FRAS1: variants seen among roughly 807,000 people sequenced by gnomAD.
FRAS1 encodes the protein Fraser extracellular matrix complex subunit 1.
In FRAS1, 290 loss-of-function variants were observed where a neutral mutation model predicts 435.2. The observed-to-expected ratio is 0.67, with a 90% CI of 0.61 to 0.73. The LOEUF is 0.73. Ranked by LOEUF, FRAS1 falls within the 30% of genes least tolerant of loss-of-function variation. The pLI is 0.00. For synonymous variants in FRAS1, 1,800 were observed against 1,851.0 expected, an observed-to-expected ratio of 0.97 and a Z score of 0.71; for missense variants, 4,860 against 5,001.5, an observed-to-expected ratio of 0.97 and a Z score of 0.85.
rs368026746 is a variant in FRAS1 at position 78,252,537 on chromosome 4, G to A, written c.455G>A (p.Cys152Tyr). 6.2e-7 allele frequency: 1 copy of A among 1,613,558 alleles called. No individual in the cohort carries two copies. Among genetic ancestry groups the A allele is most frequent in the Non-Finnish European group, 8.5e-7 (1 of 1,179,698 alleles). Residue 152 changes from cysteine (C) to tyrosine (Y), a missense_variant, in exon 5 of 74, where the codon TGT becomes TAT. Transcript: ENST00000512123. ...FIPEGSCCPV[C>Y]VGLGKPCSYE... ...CCTGAAGGAAGCTGCTGCCCAGTTT[G>A]TGTGGGCCTTGGGAGTGAGTATGAG...
At chr4:78,230,467 T>C (rs547951219) in intron 2 of FRAS1, among the ~76,000 whole-genome samples, 82 of 146,924 alleles carry the variant, frequency 5.6e-4, no homozygotes, top group African/African-American at 2.2e-3. Flanking sequence ...GAAAAGGTAT[T>C]GTTTATCTAA....
intron 62 of FRAS1, among the ~76,000 whole-genome samples, chr4:78,508,123 AC>A (rs1402707970): frequency 6.6e-6 from 1 of 152,196 alleles, no homozygotes; most frequent in Non-Finnish European, 1.5e-5. Context: ...GGAAGGTAGT[AC>A]CAGATTTCCT....
Position 78,057,958 on chromosome 4 carries a change from G to A in FRAS1, c.-52G>A, listed in dbSNP as rs1054350712. ...CCGGAGCCAGCGTTTTGGCGGAGCC[G>A]CTTCTTGGATGCTGAAGGCTGGGCT... On this transcript the variant is annotated 5_prime_UTR_variant, in exon 1 of 74. Coordinates refer to ENST00000512123, the MANE Select transcript of FRAS1 (RefSeq NM_025074.7). This position sits in a 1 kb window ranked among gnomAD's most constrained non-coding sequence, Gnocchi z 4.2. 7 of 1,571,368 alleles carry A rather than the reference G, an allele frequency of 4.5e-6. 1 individual carries two copies. In the South Asian group the frequency reaches 5.6e-5, roughly 13 times the overall value.
At position 78,375,704 on chromosome 4, in the gene FRAS1, G is replaced by A. The variant is rs771677996; in HGVS notation, c.3152-35G>A. ...ATTTCTTTGTCGCTGGTGTTGCCTT[G>A]ATTGAGCCTCATTTAGTGTTTCCTT... On this transcript the variant is annotated intron_variant, in intron 25 of 73. Coordinates refer to ENST00000512123, the MANE Select transcript of FRAS1 (RefSeq NM_025074.7). 9.2e-6 allele frequency: 14 copies of A among 1,524,846 alleles called. No individual in the cohort carries two copies. In the African/African-American group the frequency reaches 2.0e-4, roughly 21 times the overall value. 94.5% of individuals were successfully genotyped at this position (1,524,846 alleles called of 1,614,324 possible). A position where few individuals can be genotyped will look rare whatever the true frequency, so the allele number is the denominator to read the frequency against.
In FRAS1 at chr4:78,507,478, A is replaced by G. The variant is rs958448008; in HGVS notation, c.9374A>G (p.His3125Arg). The change falls in exon 62 of 74, where the codon CAT (histidine) becomes CGT (arginine). Residue 3125 changes from histidine (H) to arginine (R), a missense_variant. His to Arg is a conservative substitution (Grantham distance 29, BLOSUM62 0). Transcript: ENST00000512123. ...EILSNEDREW[H>R]ESFSLVLGPD... ...CTGTCCAATGAAGACCGGGAATGGC[A>G]TGAATCTTTCTCACTAGTCCTTGGC... 1 of 1,612,782 alleles carries G rather than the reference A, an allele frequency of 6.2e-7. No individual in the cohort carries two copies. The highest frequency in any genetic ancestry group is 8.5e-7 in the Non-Finnish European group (1 of 1,179,456).
intron 48 of FRAS1, 70 bp from the exon 49 acceptor site, chr4:78,464,373 G>C: frequency 6.3e-7 from 1 of 1,582,548 alleles, no homozygotes; most frequent in Non-Finnish European, 8.6e-7. Flanking sequence ...AAAGTAGAGA[G>C]CACCTACCTT....
intron 2 of FRAS1, among the ~76,000 whole-genome samples, chr4:78,115,497 C>T (rs988520116): frequency 2.6e-5 from 4 of 152,216 alleles, no homozygotes; most frequent in African/African-American, 4.8e-5. Flanking sequence ...ATTATTGCCT[C>T]AATTTCAGAG....
chr4:78,181,041 A>G (rs1187465717), intron 2 of FRAS1: 21 of 1,582,304 alleles, frequency 1.3e-5, no homozygotes, highest in African/African-American at 4.0e-5. Context: ...CTGAGACGTT[A>G]TATCATTTGC....
intron 5 of FRAS1, 151 bp from the exon 6 acceptor site, chr4:78,255,091 G>A (rs1017648): frequency 0.98 from 743,378 of 760,978 alleles, 364,100 homozygotes; most frequent in Non-Finnish European, 1. Flanking sequence ...AGATTTCAAG[G>A]TAGTGACTGC....
At chr4:78,325,569 C>T (rs1386535108) in intron 18 of FRAS1, among the ~76,000 whole-genome samples, 1 of 152,164 alleles carries the variant, frequency 6.6e-6, no homozygotes, top group Non-Finnish European at 1.5e-5. Context: ...AAATAGGTGC[C>T]TTCTGGTAAT....
intron 20 of FRAS1, among the ~76,000 whole-genome samples, chr4:78,358,960 A>C (rs1253136372): frequency 2.0e-5 from 3 of 152,224 alleles, no homozygotes. Context: ...AAAAATCTCT[A>C]TATGTAAAAT....
chr4:78,514,303 G>T (rs1188108886), intron 65 of FRAS1, among the ~76,000 whole-genome samples: 1 of 152,232 alleles, frequency 6.6e-6, no homozygotes, highest in African/African-American at 2.4e-5. Flanking sequence ...CTGAGGCAGC[G>T]CATCTCTGTG....
intron 2 of FRAS1, among the ~76,000 whole-genome samples, chr4:78,078,146 T>C (rs1740742345): frequency 6.6e-6 from 1 of 152,196 alleles, no homozygotes; most frequent in East Asian, 1.9e-4. Context: ...TCTATACTAT[T>C]ATTCATTATG....
intron 2 of FRAS1, among the ~76,000 whole-genome samples, chr4:78,098,690 C>T (rs941272777): frequency 3.9e-5 from 6 of 152,168 alleles, no homozygotes; most frequent in African/African-American, 1.2e-4. Flanking sequence ...CATGCACTAA[C>T]GTGTGAGTGA....
In FRAS1 at chr4:78,315,607, C is replaced by T. The variant is rs1287287882; in HGVS notation, c.1692C>T (p.Ser564=). 1 of 1,611,592 alleles carries T rather than the reference C, an allele frequency of 6.2e-7. No individual in the cohort carries two copies. Among genetic ancestry groups the T allele is most frequent in the Non-Finnish European group, 8.5e-7 (1 of 1,178,798 alleles). ...RQGTCSACDQ[S]CDSCGPSSPR... ...GCCTCCCCTTAGCTTGTGACCAATC[C>T]TGTGACAGTTGTGGCCCCAGTAGCC... Residue 564 remains serine, a synonymous_variant, in exon 16 of 74, where the codon TCC becomes TCT. Transcript: ENST00000512123.
chr4:78,316,040 AG>A (rs1179139010), intron 16 of FRAS1, among the ~76,000 whole-genome samples: 8 of 152,226 alleles, frequency 5.3e-5, no homozygotes, highest in Non-Finnish European at 1.2e-4. Context: ...TCACTAACTT[AG>A]GTTGCAGATG....
At chr4:78,098,991 C>G (rs781495090) in intron 2 of FRAS1, among the ~76,000 whole-genome samples, 4 of 152,190 alleles carry the variant, frequency 2.6e-5, no homozygotes, top group South Asian at 2.1e-4. Context: ...AGCAGAACCT[C>G]GAGCTCCTGC....
chr4:78,334,684 C>T (rs1278637592), intron 19 of FRAS1, among the ~76,000 whole-genome samples: 1 of 151,962 alleles, frequency 6.6e-6, no homozygotes, highest in African/African-American at 2.4e-5. Flanking sequence ...AAGCAATTTT[C>T]TATGTGATAA....
intron 66 of FRAS1, 62 bp from the exon 67 acceptor site, chr4:78,519,269 G>A (rs1329736503): frequency 2.2e-6 from 3 of 1,385,870 alleles, no homozygotes; most frequent in East Asian, 5.4e-5. Flanking sequence ...AAGATGTGGT[G>A]ATAGTATGTC....
Sources: allele counts gnomAD v4.1 joint callset (sites outside exome capture counted in the v4.1 genomes callset), GRCh38; gene constraint gnomAD v4.1.1; non-coding constraint Gnocchi (gnomAD v3.1); transcripts MANE v1.5; gene names NCBI Gene and HGNC (gene_info 2026-07-23, HGNC 2026-07-21).